Variants in LMLN observed in about 807,000 individuals in gnomAD.
The protein encoded by LMLN is leishmanolysin-like peptidase.
A neutral mutation model predicts 92.3 loss-of-function variants in LMLN; 70 were observed. That is an observed-to-expected ratio of 0.76 (90% confidence interval 0.63 to 0.92). LMLN has a LOEUF of 0.92. Among genes scored for constraint, LMLN ranks in the 40% least tolerant of loss-of-function variants. LMLN has a pLI of 0.00. For synonymous variants in LMLN, 308 were observed against 296.2 expected (o/e 1.04, Z -0.41); for missense variants, 691 against 814.6 (o/e 0.85, Z 1.85).
chr3:198,007,916 G>A (rs2109912405), intron 11 of LMLN, among the ~76,000 whole-genome samples: 1 of 152,270 alleles, frequency 6.6e-6, no homozygotes, highest in South Asian at 2.1e-4. Context: ...GTCTATTCCT[G>A]TGTTTCTGAG....
intron 8 of LMLN, among the ~76,000 whole-genome samples, chr3:197,988,215 C>G (rs1286728913): frequency 6.6e-6 from 1 of 151,410 alleles, no homozygotes; most frequent in Non-Finnish European, 1.5e-5. Flanking sequence ...AACTCCTGGG[C>G]TCAGGCAAGC....
intron 5 of LMLN, among the ~76,000 whole-genome samples, chr3:197,977,777 A>C (rs1367932941): frequency 6.6e-6 from 1 of 152,100 alleles, no homozygotes; most frequent in East Asian, 1.9e-4. Flanking sequence ...ACAGTCTGGA[A>C]GTATACACAC....
intron 1 of LMLN, among the ~76,000 whole-genome samples, chr3:197,968,049 C>A (rs1721109127): frequency 6.6e-6 from 1 of 152,152 alleles, no homozygotes; most frequent in South Asian, 2.1e-4. Flanking sequence ...ATTGTTCAAA[C>A]ACACATGTTT....
intron 13 of LMLN, among the ~76,000 whole-genome samples, chr3:198,022,256 G>T (rs529367201): frequency 1.3e-5 from 2 of 152,252 alleles, no homozygotes; most frequent in Admixed American, 6.5e-5. Flanking sequence ...ACATATAAAT[G>T]AACAAGATAT....
chr3:198,016,320 TA>T (rs1722640029), intron 11 of LMLN, among the ~76,000 whole-genome samples: 1 of 152,084 alleles, frequency 6.6e-6, no homozygotes, highest in African/African-American at 2.4e-5. Context: ...GTTGTAACCC[TA>T]ATGTGAAGAT....
chr3:197,961,397 C>A (rs1223443485), intron 1 of LMLN, among the ~76,000 whole-genome samples: 1 of 152,190 alleles, frequency 6.6e-6, no homozygotes, highest in Non-Finnish European at 1.5e-5. Flanking sequence ...TAAAGACACT[C>A]ATTTTTATGG....
chr3:198,014,888 C>A lies in LMLN; in HGVS notation c.1233-4365C>A, dbSNP rs867016856. On this transcript the variant is annotated intron_variant, in intron 11 of 15. Transcript: ENST00000330198. ...TCTCTCCACCCATCAGAGCCCCCTA[C>A]CTAGTCTGACTTCTCTCCACCCATC... Among the ~76,000 whole-genome samples, 301 of 100,348 alleles carry A rather than the reference C, an allele frequency of 3.0e-3. 1 individual carries two copies. The highest frequency in any genetic ancestry group is 4.6e-3 in the African/African-American group (111 of 23,932). 65.8% of individuals were successfully genotyped at this position (100,348 alleles called of 152,430 possible). A position where few individuals can be genotyped will look rare whatever the true frequency, so the allele number is the denominator to read the frequency against.
intron 12 of LMLN, among the ~76,000 whole-genome samples, chr3:198,020,647 G>A (rs1329029355): frequency 6.6e-6 from 1 of 151,942 alleles, no homozygotes; most frequent in East Asian, 1.9e-4. Context: ...AGGCTGGAGT[G>A]CAGTGGTGCA....
chr3:198,029,819 AT>A (rs1288458771), intron 14 of LMLN, among the ~76,000 whole-genome samples: 2 of 151,458 alleles, frequency 1.3e-5, no homozygotes, highest in Non-Finnish European at 2.9e-5. Context: ...GAGACTTACT[AT>A]TTGCTTTCTT....
At chr3:197,991,899 T>C (rs1274899365) in intron 9 of LMLN, among the ~76,000 whole-genome samples, 1 of 150,948 alleles carries the variant, frequency 6.6e-6, no homozygotes, top group Non-Finnish European at 1.5e-5. Context: ...TTGCCTCTTG[T>C]TGCCCAGGCT....
intron 1 of LMLN, among the ~76,000 whole-genome samples, chr3:197,970,710 A>G (rs930350950): frequency 6.6e-6 from 1 of 152,228 alleles, no homozygotes; most frequent in African/African-American, 2.4e-5. Flanking sequence ...CTTATAACCT[A>G]GTGAAGTTTT....
At chr3:198,024,336 C>T (rs868366595) in intron 13 of LMLN, among the ~76,000 whole-genome samples, 5 of 151,924 alleles carry the variant, frequency 3.3e-5, no homozygotes, top group African/African-American at 1.2e-4. Flanking sequence ...CTGCCTCAGC[C>T]TCCCGAGTAG....
At chr3:197,989,349 T>C (rs1721802222) in intron 8 of LMLN, among the ~76,000 whole-genome samples, 1 of 152,208 alleles carries the variant, frequency 6.6e-6, no homozygotes, top group African/African-American at 2.4e-5. Context: ...GCTTTTTTCA[T>C]AGAGGAGAGA....
chr3:197,960,582 C>G, intron 1 of LMLN, 142 bp downstream of exon 1: 3 of 719,078 alleles, frequency 4.2e-6, no homozygotes, highest in South Asian at 3.6e-5. Flanking sequence ...GGCCTGGGAC[C>G]CGCTCTCAGC....
At chr3:198,041,028 T>C (rs1208963775) in exon 16 of LMLN, 1 of 152,538 alleles carries the variant, frequency 6.6e-6, no homozygotes, top group Non-Finnish European at 1.5e-5. Flanking sequence ...TTTTCGTCCA[T>C]TCAGCATATA....
At chr3:198,015,265 T>C (rs1722597394) in intron 11 of LMLN, among the ~76,000 whole-genome samples, 1 of 116,560 alleles carries the variant, frequency 8.6e-6, no homozygotes, top group Non-Finnish European at 1.8e-5. Flanking sequence ...CTAACTAGTC[T>C]GACTTCTCTC....
chr3:197,986,233 G>A lies in LMLN; in HGVS notation c.929+343G>A, dbSNP rs531563431. ...TCCTGCACTTTGGGAGGCCAAGGTG[G>A]GCTGATTGCTTGAGCCCATGAGTTC... On this transcript the variant is annotated intron_variant, in intron 8 of 15. Transcript: ENST00000330198. 2.9e-4 allele frequency among the ~76,000 whole-genome samples: 44 copies of A among 152,310 alleles called. 1 individual carries two copies. The South Asian group carries it at 8.1e-3, about 28-fold the overall frequency.
At chr3:197,962,199 G>A (rs576124467) in intron 1 of LMLN, among the ~76,000 whole-genome samples, 2 of 151,800 alleles carry the variant, frequency 1.3e-5, no homozygotes, top group Admixed American at 6.6e-5. Context: ...GATTAGTTTG[G>A]CCAATTCTAG....
chr3:198,024,361 G>A (rs1000751765), intron 13 of LMLN, among the ~76,000 whole-genome samples: 4 of 151,702 alleles, frequency 2.6e-5, no homozygotes, highest in African/African-American at 9.7e-5. Flanking sequence ...GACTACAGGC[G>A]CCCGCCACCG....
Sources: allele counts gnomAD v4.1 joint callset (sites outside exome capture counted in the v4.1 genomes callset), GRCh38; gene constraint gnomAD v4.1.1; transcripts MANE v1.5; gene names NCBI Gene and HGNC (gene_info 2026-07-23, HGNC 2026-07-21).